The following ADGRB3 variants were observed in gnomAD, a reference collection of about 807,000 sequenced individuals.
ADGRB3 encodes the protein brain-specific angiogenesis inhibitor 3.
In ADGRB3, 37 loss-of-function variants were observed where a neutral mutation model predicts 193.4. That is an observed-to-expected ratio of 0.19 (90% CI 0.15 to 0.25). The LOEUF (loss-of-function observed/expected upper bound fraction) is 0.25. ADGRB3 is among the 10% of genes least tolerant of loss of function. The pLI, the probability that ADGRB3 is intolerant of heterozygous loss-of-function variation, is 1.00. For synonymous variants in ADGRB3, 690 were observed against 644.2 expected (o/e 1.07, Z -1.08); for missense variants, 1,637 against 1,852.9 (o/e 0.88, Z 2.14).
rs111470081 is a variant in ADGRB3, at chr6:68,825,990, A to ATT, written c.758-104558_758-104557dup. Among the ~76,000 whole-genome samples, 468 of 145,414 alleles carry ATT rather than the reference A, an allele frequency of 3.2e-3. 3 individuals carry two copies. Among genetic ancestry groups the ATT allele is most frequent in the African/African-American group, 0.011 (435 of 40,014 alleles). Reference sequence around the variant, plus strand: ...CACTCTGGTGTTCAGTTTCCTCCCCATTTTTTTTTTTTGTACCTGAAAATA... The same window carrying ATT: ...CACTCTGGTGTTCAGTTTCCTCCCCATTTTTTTTTTTTTTGTACCTGAAAATA... On this transcript the variant is annotated intron_variant, in intron 3 of 31. Transcript: ENST00000370598.
At chr6:68,886,900 GA>G (rs1209307496) in intron 3 of ADGRB3, among the ~76,000 whole-genome samples, 1 of 151,716 alleles carries the variant, frequency 6.6e-6, no homozygotes, top group Non-Finnish European at 1.5e-5. Flanking sequence ...AATAATTGTA[GA>G]ATAACATCAT....
Position 69,283,179 on chromosome 6 carries a change from G to T in ADGRB3, c.2815-41693G>T, listed in dbSNP as rs180754657. 7.2e-5 allele frequency among the ~76,000 whole-genome samples: 11 copies of T among 152,288 alleles called. No homozygotes were observed. The East Asian group carries it at 2.1e-3, about 29-fold the overall frequency. On this transcript the variant is annotated intron_variant, in intron 20 of 31. Transcript: ENST00000370598. ...TTATTCTCTAGGAAATTGCCAAGGG[G>T]ACTGGGAGATATATTAAAAGATATT... is the stretch of plus-strand genomic sequence containing the variant.
At chr6:68,844,717 G>A (rs2207435) in intron 3 of ADGRB3, among the ~76,000 whole-genome samples, 132,858 of 152,168 alleles carry the variant, frequency 0.87, 58,266 homozygotes, top group Middle Eastern at 0.95. Flanking sequence ...AGCAACCTAT[G>A]TGTCCCATCA....
chr6:68,848,006 A>C (rs1768316475), intron 3 of ADGRB3, among the ~76,000 whole-genome samples: 1 of 152,298 alleles, frequency 6.6e-6, no homozygotes, highest in Non-Finnish European at 1.5e-5. Flanking sequence ...AATCTAAAAA[A>C]AGACGTCAAC....
rs1423535574 is a variant in ADGRB3, at chr6:68,785,400, T to G, written c.758-145159T>G. On this transcript the variant is annotated intron_variant, in intron 3 of 31. Transcript: ENST00000370598. ...CAATTCCCACCTATGAGTGAGAACA[T>G]GCGGTGTTTGGTTTTTTGTCCTTGT... Among the ~76,000 whole-genome samples the G allele has an allele frequency of 2.0e-5, 3 of 147,762 alleles. No homozygotes were observed. In the Admixed American group the frequency reaches 2.1e-4, roughly 10 times the overall value.
chr6:68,970,006 C>T (rs528732860), intron 8 of ADGRB3, among the ~76,000 whole-genome samples: 1 of 152,322 alleles, frequency 6.6e-6, no homozygotes, highest in East Asian at 1.9e-4. Flanking sequence ...CTCCTTCCAG[C>T]CCTGCTGAAC....
At chr6:68,785,464 T>C (rs537517901) in intron 3 of ADGRB3, among the ~76,000 whole-genome samples, 1 of 152,052 alleles carries the variant, frequency 6.6e-6, no homozygotes, top group Admixed American at 6.6e-5. Flanking sequence ...GCTTCATCCA[T>C]GTCCCTACAA....
chr6:69,070,983 A>G (rs1021978949), intron 16 of ADGRB3, among the ~76,000 whole-genome samples: 18 of 152,084 alleles, frequency 1.2e-4, no homozygotes, highest in African/African-American at 3.9e-4. Context: ...TATCCACTCT[A>G]TTTTCCTAGT....
At chr6:69,060,071 A>G (rs1477766395) in intron 15 of ADGRB3, among the ~76,000 whole-genome samples, 1 of 152,140 alleles carries the variant, frequency 6.6e-6, no homozygotes, top group African/African-American at 2.4e-5. Context: ...GTATTGGGGC[A>G]CAAGGTGTCA....
At chr6:68,813,871 A>C (rs946705996) in intron 3 of ADGRB3, among the ~76,000 whole-genome samples, 13 of 152,098 alleles carry the variant, frequency 8.5e-5, no homozygotes, top group Admixed American at 5.2e-4. Flanking sequence ...CTATGTCCCT[A>C]CAAAGGACAT....
At chr6:69,040,476 C>A (rs1771022132) in intron 13 of ADGRB3, among the ~76,000 whole-genome samples, 1 of 151,022 alleles carries the variant, frequency 6.6e-6, no homozygotes, top group Non-Finnish European at 1.5e-5. Context: ...GCCAATAAAA[C>A]TTACAAGAGT....
intron 13 of ADGRB3, among the ~76,000 whole-genome samples, chr6:69,041,290 C>T (rs1005514523): frequency 1.3e-4 from 20 of 152,192 alleles, no homozygotes; most frequent in African/African-American, 3.9e-4. Flanking sequence ...GTTGCAAAAT[C>T]CTAAAATACG....
chr6:69,297,368 T>TCTTTCTCTCTC (rs1767846054), intron 20 of ADGRB3, among the ~76,000 whole-genome samples: 2 of 97,610 alleles, frequency 2.0e-5, no homozygotes, highest in African/African-American at 7.9e-5. Context: ...CTCTCTCTCT[T>TCTTTCTCTCTC]TCTCTCTCTC....
intron 17 of ADGRB3, among the ~76,000 whole-genome samples, chr6:69,227,155 G>A (rs1048935947): frequency 6.6e-6 from 1 of 152,160 alleles, no homozygotes; most frequent in Non-Finnish European, 1.5e-5. Context: ...CAGGTAATGT[G>A]AATATTTTTG....
intron 20 of ADGRB3, among the ~76,000 whole-genome samples, chr6:69,317,253 T>C (rs1180380192): frequency 6.6e-6 from 1 of 151,482 alleles, no homozygotes; most frequent in Non-Finnish European, 1.5e-5. Flanking sequence ...AACCAGTATA[T>C]GAGAGTTTTT....
intron 16 of ADGRB3, among the ~76,000 whole-genome samples, chr6:69,072,318 C>A (rs1772099625): frequency 6.6e-6 from 1 of 152,022 alleles, no homozygotes; most frequent in East Asian, 1.9e-4. Flanking sequence ...TTTAAATTTT[C>A]ATAACCACAA....
At chr6:68,920,812 T>A (rs144683097) in intron 3 of ADGRB3, among the ~76,000 whole-genome samples, 21 of 152,216 alleles carry the variant, frequency 1.4e-4, no homozygotes, top group African/African-American at 4.6e-4. Flanking sequence ...ATCTAATAGT[T>A]AAATCTAAAT....
At chr6:69,150,529 C>T (rs895692321) in intron 17 of ADGRB3, among the ~76,000 whole-genome samples, 1 of 152,180 alleles carries the variant, frequency 6.6e-6, no homozygotes, top group Non-Finnish European at 1.5e-5. Context: ...TAGCCCAGAA[C>T]AGGTCCATAA....
At chr6:68,917,379 C>A (rs1418296712) in intron 3 of ADGRB3, among the ~76,000 whole-genome samples, 1 of 152,140 alleles carries the variant, frequency 6.6e-6, no homozygotes, top group Non-Finnish European at 1.5e-5. Flanking sequence ...ATGGATTTGA[C>A]CTACTTTTCC....
Sources: allele counts gnomAD v4.1 joint callset (sites outside exome capture counted in the v4.1 genomes callset), GRCh38; gene constraint gnomAD v4.1.1; transcripts MANE v1.5; gene names NCBI Gene and HGNC (gene_info 2026-07-23, HGNC 2026-07-21).